Variants in LHFPL3 observed in about 807,000 individuals in gnomAD.
The protein encoded by LHFPL3 is LHFPL tetraspan subfamily member 3 protein.
A neutral mutation model predicts 19.3 loss-of-function variants in LHFPL3; 5 were observed. The observed-to-expected ratio is 0.26, with a 90% CI of 0.14 to 0.54. LHFPL3 has a LOEUF of 0.54. Among genes scored for constraint, LHFPL3 ranks in the 20% least tolerant of loss-of-function variants. LHFPL3 has a pLI of 0.94. For missense variants in LHFPL3, 249 were observed against 307.4 expected, an observed-to-expected ratio of 0.81 and a Z score of 1.42; for synonymous variants, 133 against 126.2, an observed-to-expected ratio of 1.05 and a Z score of -0.36.
At position 104,746,280 on chromosome 7, in the gene LHFPL3, C is replaced by T. The variant is rs544471022; in HGVS notation, c.682+9369C>T. On this transcript the variant is annotated intron_variant, in intron 2 of 2. Coordinates refer to ENST00000424859, the MANE Select transcript of LHFPL3 (RefSeq NM_199000.3). ...TGAACCAAGATCATGCCACTGCACTCCAGCCTAGGAAATAGAGCGAGACTC... is the reference window on the plus strand; with the variant it reads ...TGAACCAAGATCATGCCACTGCACTTCAGCCTAGGAAATAGAGCGAGACTC... Among the ~76,000 whole-genome samples the T allele has an allele frequency of 4.7e-4, 72 of 152,220 alleles. 1 individual carries two copies. Among genetic ancestry groups the T allele is most frequent in the African/African-American group, 1.7e-3 (69 of 41,524 alleles).
intron 1 of LHFPL3, among the ~76,000 whole-genome samples, chr7:104,533,545 T>G (rs1042349019): frequency 6.6e-6 from 1 of 152,210 alleles, no homozygotes; most frequent in Non-Finnish European, 1.5e-5. Context: ...TGCTTCAACT[T>G]CTCTTCCACT....
intron 1 of LHFPL3, among the ~76,000 whole-genome samples, chr7:104,329,461 G>C (rs1801529863): frequency 6.6e-6 from 1 of 152,248 alleles, no homozygotes; most frequent in African/African-American, 2.4e-5. Context: ...TGTGGGGGAC[G>C]CCCACTCAGA....
chr7:104,508,465 G>T (rs1227263533), intron 1 of LHFPL3, among the ~76,000 whole-genome samples: 5 of 126,330 alleles, frequency 4.0e-5, no homozygotes, highest in Admixed American at 3.4e-4. Flanking sequence ...ATTGTGGGGT[G>T]GGGGGAGGGG....
chr7:104,328,944 C>T lies in LHFPL3; in HGVS notation c.165C>T (p.Phe55=). 3 of 1,614,222 alleles carry T rather than the reference C, an allele frequency of 1.9e-6. No individual in the cohort carries two copies. Among genetic ancestry groups the T allele is most frequent in the Non-Finnish European group, 2.5e-6 (3 of 1,180,046 alleles). Residue 55 remains phenylalanine, a synonymous_variant, in exon 1 of 3, where the codon TTC becomes TTT. Coordinates refer to ENST00000424859, the MANE Select transcript of LHFPL3 (RefSeq NM_199000.3). The surrounding 1 kb of genome is among the most constrained non-coding windows in gnomAD (Gnocchi z 4.6). ...ICFAIVNVVC[F]IQPYWIGDGV... ...TTGCCATCGTCAACGTGGTGTGCTT[C>T]ATCCAGCCCTACTGGATAGGCGACG... is the stretch of plus-strand genomic sequence containing the variant.
intron 1 of LHFPL3, among the ~76,000 whole-genome samples, chr7:104,579,615 A>G (rs142499055): frequency 1.7e-4 from 26 of 152,318 alleles, no homozygotes; most frequent in African/African-American, 6.0e-4. Context: ...ATCAGTGAAC[A>G]TTAGCCATTG....
intron 1 of LHFPL3, among the ~76,000 whole-genome samples, chr7:104,560,418 TG>T (rs1414501274): frequency 2.0e-5 from 3 of 148,882 alleles, no homozygotes; most frequent in Admixed American, 2.0e-4. Flanking sequence ...GGAGAGTGTA[TG>T]TGTCCAGGAA....
intron 1 of LHFPL3, among the ~76,000 whole-genome samples, chr7:104,474,621 T>C (rs966258135): frequency 6.8e-6 from 1 of 147,034 alleles, no homozygotes; most frequent in African/African-American, 2.6e-5. Flanking sequence ...AAGCAGATAT[T>C]GTGCCTCTGC....
At chr7:104,390,130 T>C (rs7790817) in intron 1 of LHFPL3, among the ~76,000 whole-genome samples, 62,385 of 151,088 alleles carry the variant, frequency 0.41, 13,257 homozygotes, top group Admixed American at 0.54. Context: ...GTATGCAGAA[T>C]ATATAAAGGA....
intron 1 of LHFPL3, among the ~76,000 whole-genome samples, chr7:104,720,627 T>G (rs1486592664): frequency 2.0e-5 from 3 of 151,818 alleles, no homozygotes; most frequent in African/African-American, 7.3e-5. Flanking sequence ...GGAGAAAAAT[T>G]TTGCAATCTA....
intron 1 of LHFPL3, among the ~76,000 whole-genome samples, chr7:104,369,293 T>C (rs770394131): frequency 3.9e-5 from 6 of 152,240 alleles, no homozygotes. Flanking sequence ...TTACCTTTTC[T>C]GGATATTTTA....
chr7:104,847,701 G>A (rs1446228886), intron 2 of LHFPL3, among the ~76,000 whole-genome samples: 1 of 152,188 alleles, frequency 6.6e-6, no homozygotes, highest in Admixed American at 6.5e-5. Context: ...TAATAGAGAC[G>A]AGATTTCGCC....
chr7:104,676,710 T>C (rs984096600), intron 1 of LHFPL3, among the ~76,000 whole-genome samples: 1 of 152,230 alleles, frequency 6.6e-6, no homozygotes, highest in African/African-American at 2.4e-5. Flanking sequence ...ATGCGATTTT[T>C]AAATTCCAGA....
chr7:104,863,851 C>G (rs933903521), intron 2 of LHFPL3, among the ~76,000 whole-genome samples: 1 of 152,222 alleles, frequency 6.6e-6, no homozygotes, highest in African/African-American at 2.4e-5. Context: ...AGGCACTGAA[C>G]TGCATAAACT....
Position 104,328,861 on chromosome 7 carries a change from A to G in LHFPL3, c.82A>G (p.Asn28Asp). The change falls in exon 1 of 3, where the codon AAC (asparagine) becomes GAC (aspartate). Residue 28 changes from asparagine to aspartate, a missense_variant. Asn to Asp is a conservative substitution (Grantham distance 23, BLOSUM62 1). Coordinates refer to ENST00000424859, the MANE Select transcript of LHFPL3 (RefSeq NM_199000.3). The surrounding 1 kb of genome is among the most constrained non-coding windows in gnomAD (Gnocchi z 4.6). ...AQEAAKLYHT[N>D]YVRNSRAIGV... ...GGAGGCTGCCAAGCTGTACCACACC[A>G]ACTATGTGCGGAACTCGCGGGCCAT... 1.2e-6 allele frequency: 2 copies of G among 1,614,100 alleles called. No homozygotes were observed. The highest frequency in any genetic ancestry group is 1.1e-5 in the South Asian group (1 of 91,078).
At chr7:104,746,668 G>C (rs757970785) in intron 2 of LHFPL3, among the ~76,000 whole-genome samples, 1 of 152,166 alleles carries the variant, frequency 6.6e-6, no homozygotes, top group Non-Finnish European at 1.5e-5. Flanking sequence ...TGTGCTACCT[G>C]CTAGCTCTGT....
intron 2 of LHFPL3, among the ~76,000 whole-genome samples, chr7:104,823,235 G>C (rs549349394): frequency 6.6e-5 from 10 of 152,182 alleles, no homozygotes; most frequent in Non-Finnish European, 1.3e-4. Flanking sequence ...CCAAATTCTT[G>C]ATGTTGCAGG....
At chr7:104,824,957 T>C (rs985338473) in intron 2 of LHFPL3, among the ~76,000 whole-genome samples, 2 of 145,014 alleles carry the variant, frequency 1.4e-5, no homozygotes, top group African/African-American at 5.1e-5. Context: ...TTAGGAGCTT[T>C]GGAAGCCCAG....
At chr7:104,595,320 G>A (rs187469622) in intron 1 of LHFPL3, among the ~76,000 whole-genome samples, 2 of 152,198 alleles carry the variant, frequency 1.3e-5, no homozygotes, top group Non-Finnish European at 2.9e-5. Context: ...GTCTGTTGGA[G>A]TTTGCTGGAG....
At chr7:104,818,904 A>G (rs1421122182) in intron 2 of LHFPL3, among the ~76,000 whole-genome samples, 2 of 151,648 alleles carry the variant, frequency 1.3e-5, no homozygotes, top group Non-Finnish European at 2.9e-5. Context: ...CTCTTTTTTA[A>G]TCTCTGGTAG....
Sources: gnomAD v4.1 joint callset for allele counts (sites outside exome capture counted in the v4.1 genomes callset) on GRCh38, gnomAD v4.1.1 for gene constraint, Gnocchi (gnomAD v3.1) non-coding constraint, MANE v1.5 for transcripts, NCBI Gene and HGNC (gene_info 2026-07-23, HGNC 2026-07-21) for gene names.